The following STEAP3 variants were observed in gnomAD, a reference collection of about 807,000 sequenced individuals.
STEAP3 encodes metalloreductase STEAP3.
A neutral mutation model predicts 34.9 loss-of-function variants in STEAP3; 35 were observed. The ratio of observed to expected loss-of-function variants is 1.00; its 90% CI spans 0.76 to 1.33. The LOEUF (loss-of-function observed/expected upper bound fraction) is 1.33. STEAP3 is among the 40% of genes most tolerant of loss of function. STEAP3 has a pLI of 0.00. For synonymous variants in STEAP3, 281 were observed against 301.6 expected (o/e 0.93, Z 0.71); for missense variants, 652 against 667.6 (o/e 0.98, Z 0.26).
chr2:119,245,484 T>A lies in STEAP3; in HGVS notation c.23-5T>A, dbSNP rs766095769. On this transcript the variant is annotated splice_region_variant and splice_polypyrimidine_tract_variant and intron_variant, in intron 2 of 5. Coordinates refer to ENST00000393110, the MANE Select transcript of STEAP3 (RefSeq NM_182915.3). The stretch of plus-strand genomic sequence containing the variant: ...CACTGACCAGGTTCCTGACTTCTCT[T>A]GCAGCCACCAAAATGCCAGAAGAGA... The A allele has an allele frequency of 6.4e-7, 1 of 1,572,850 alleles. No homozygotes were observed. Among genetic ancestry groups the A allele is most frequent in the East Asian group, 2.3e-5 (1 of 44,158 alleles).
chr2:119,264,620 T>C lies in STEAP3; in HGVS notation c.*1282T>C, dbSNP rs1678050003. 1 of 152,162 alleles carries C rather than the reference T, an allele frequency of 6.6e-6. No homozygotes were observed. Among genetic ancestry groups the C allele is most frequent in the Admixed American group, 6.6e-5 (1 of 15,262 alleles). 9.4% of individuals were successfully genotyped at this position (152,162 alleles called of 1,614,324 possible). On this transcript the variant is annotated 3_prime_UTR_variant, in exon 6 of 6. Transcript: ENST00000393110. ...ACTTCCCCTGTGAAGAAACAGGTGTTCTCGGCTGAGCCCCCAACCCTCTGC... is the reference window on the plus strand; with the variant it reads ...ACTTCCCCTGTGAAGAAACAGGTGTCCTCGGCTGAGCCCCCAACCCTCTGC...
intron 2 of STEAP3, among the ~76,000 whole-genome samples, chr2:119,236,270 G>T (rs1573545098): frequency 1.3e-5 from 2 of 152,284 alleles, no homozygotes; most frequent in Admixed American, 1.3e-4. Flanking sequence ...CACTTTATTT[G>T]TCTCATATAA....
chr2:119,263,413 G>C lies in STEAP3; in HGVS notation c.*75G>C. On this transcript the variant is annotated 3_prime_UTR_variant, in exon 6 of 6. Coordinates refer to ENST00000393110, the MANE Select transcript of STEAP3 (RefSeq NM_182915.3). ...GAGCCCGTTAGGTTTTCTTTTCTTG[G>C]TGGTGCAAAGTGGTATAACTGTGTG... 6.5e-7 allele frequency: 1 copy of C among 1,543,432 alleles called. No individual in the cohort carries two copies.
At position 119,245,683 on chromosome 2, in the gene STEAP3, C is replaced by A. The variant is rs138657061; in HGVS notation, c.217C>A (p.Arg73Ser). ...GGTGGTGGGGAGCCGCAACCCCAAA[C>A]GCACAGCCAGGCTGTTTCCCTCAGC... ...KVVVGSRNPK[R>S]TARLFPSAAQ... Residue 73 changes from arginine to serine, a missense_variant, in exon 3 of 6, where the codon CGC (arginine) becomes AGC (serine). Physicochemically the swap from Arg to Ser is moderately radical, Grantham distance 110 (BLOSUM62 -1). Transcript: ENST00000393110. The A allele has an allele frequency of 6.2e-7, 1 of 1,613,762 alleles. No individual in the cohort carries two copies. The highest frequency in any genetic ancestry group is 8.5e-7 in the Non-Finnish European group (1 of 1,179,692).
At chr2:119,241,903 G>T (rs772372200) in intron 2 of STEAP3, among the ~76,000 whole-genome samples, 20 of 152,238 alleles carry the variant, frequency 1.3e-4, no homozygotes, top group Non-Finnish European at 2.6e-4. Flanking sequence ...ATCATTCGAG[G>T]TTTTTCAGGG....
intron 2 of STEAP3, among the ~76,000 whole-genome samples, chr2:119,234,386 T>C (rs1448071057): frequency 2.6e-5 from 4 of 152,216 alleles, no homozygotes; most frequent in Non-Finnish European, 4.4e-5. Context: ...CACTGCCTGA[T>C]GGCCTCCAAC....
chr2:119,229,193 A>G lies in STEAP3; in HGVS notation c.-393-1427A>G, dbSNP rs535126592. Among the ~76,000 whole-genome samples the G allele has an allele frequency of 6.6e-5, 10 of 152,336 alleles. No homozygotes were observed. In the East Asian group the frequency reaches 1.9e-3, roughly 29 times the overall value. ...CTCAACAGGTGTCCACCTAGGCTGG[A>G]GTACAGTGGTGCCATCTCGGCTCAC... On this transcript the variant is annotated intron_variant, in intron 1 of 5. Coordinates refer to ENST00000393110, the MANE Select transcript of STEAP3 (RefSeq NM_182915.3).
intron 2 of STEAP3, among the ~76,000 whole-genome samples, chr2:119,236,372 G>A (rs74410056): frequency 0.064 from 9,803 of 152,248 alleles, 422 homozygotes; most frequent in Middle Eastern, 0.11. Context: ...TGGCCGGGCC[G>A]CCAGCTAGCA....
intron 5 of STEAP3, among the ~76,000 whole-genome samples, chr2:119,261,757 A>G (rs2104852511): frequency 6.6e-6 from 1 of 152,316 alleles, no homozygotes; most frequent in East Asian, 1.9e-4. Flanking sequence ...ACATGCCAAG[A>G]GGCTGGAGTC....
chr2:119,231,871 G>C (rs1676949939), intron 2 of STEAP3, among the ~76,000 whole-genome samples: 1 of 152,286 alleles, frequency 6.6e-6, no homozygotes, highest in Middle Eastern at 3.4e-3. Flanking sequence ...GTGGCTATAA[G>C]TGAGCTTTTA....
At position 119,238,991 on chromosome 2, in the gene STEAP3, C is replaced by T. The variant is rs376289313; in HGVS notation, c.23-6498C>T. On this transcript the variant is annotated intron_variant, in intron 2 of 5. Transcript: ENST00000393110. ...GGAAGTGGGGGCGGGGGGTGGACAA[C>T]GAGCACATGAGAAAAAGACCACAGG... Among the ~76,000 whole-genome samples, 3 of 152,166 alleles carry T rather than the reference C, an allele frequency of 2.0e-5. No homozygotes were observed. In the East Asian group the frequency reaches 5.8e-4, roughly 29 times the overall value.
chr2:119,236,046 G>A lies in STEAP3; in HGVS notation c.22+5012G>A, dbSNP rs370342850. 2.6e-4 allele frequency among the ~76,000 whole-genome samples: 40 copies of A among 152,246 alleles called. No individual in the cohort carries two copies. The East Asian group carries it at 3.5e-3, about 13-fold the overall frequency. ...CAAATAGTAGCAGGTCTTTTCCTCC[G>A]ATTGTCTTGGGGAGAAATGGGCATG... On this transcript the variant is annotated intron_variant, in intron 2 of 5. Transcript: ENST00000393110.
intron 5 of STEAP3, chr2:119,257,719 C>T (rs1022662529): frequency 5.0e-5 from 70 of 1,389,128 alleles, no homozygotes; most frequent in Non-Finnish European, 5.8e-5. Flanking sequence ...TTAAAGTTAG[C>T]GTGGCTAGTG....
rs75589170 is a variant in STEAP3, at chr2:119,229,564, C to T, written c.-393-1056C>T. Among the ~76,000 whole-genome samples, 598 of 152,350 alleles carry T rather than the reference C, an allele frequency of 3.9e-3. 2 individuals are homozygous for T. Among genetic ancestry groups the T allele is most frequent in the African/African-American group, 0.014 (572 of 41,584 alleles). ...CAGAGAGGGAAAGCAACCTACCCAACGTCACACAGCTAGCACATGGCTGGA... is the reference window on the plus strand; with the variant it reads ...CAGAGAGGGAAAGCAACCTACCCAATGTCACACAGCTAGCACATGGCTGGA... On this transcript the variant is annotated intron_variant, in intron 1 of 5. Coordinates refer to ENST00000393110, the MANE Select transcript of STEAP3 (RefSeq NM_182915.3).
At chr2:119,224,932 T>G (rs762208618) in intron 1 of STEAP3, among the ~76,000 whole-genome samples, 3 of 152,210 alleles carry the variant, frequency 2.0e-5, no homozygotes, top group Non-Finnish European at 2.9e-5. Flanking sequence ...TTTGCAAGGA[T>G]ACACAGCTAG....
intron 2 of STEAP3, among the ~76,000 whole-genome samples, chr2:119,231,408 G>A (rs1365830736): frequency 6.8e-6 from 1 of 147,384 alleles, no homozygotes; most frequent in African/African-American, 2.5e-5. Context: ...TGTTTATGAT[G>A]CATTTCTGTG....
Position 119,254,817 on chromosome 2 carries a change from C to T in STEAP3, c.1184C>T (p.Ser395Leu), listed in dbSNP as rs962584156. 6.2e-7 allele frequency: 1 copy of T among 1,614,168 alleles called. No individual in the cohort carries two copies. Among genetic ancestry groups the T allele is most frequent in the Non-Finnish European group, 8.5e-7 (1 of 1,180,016 alleles). The change falls in exon 5 of 6, where the codon TCG (serine) becomes TTG (leucine). Residue 395 changes from serine to leucine, a missense_variant. Ser to Leu is a moderately radical substitution (Grantham distance 145). Coordinates refer to ENST00000393110, the MANE Select transcript of STEAP3 (RefSeq NM_182915.3). ...ACCTCACTGCCGTCCATTGCAAACT[C>T]GCTCAACTGGAGGGAGTTCAGCTTC... The part of the protein sequence containing the change: ...AVTSLPSIAN[S>L]LNWREFSFVQ...
At position 119,263,139 on chromosome 2, in the gene STEAP3, G is replaced by A. The variant is rs144758696; in HGVS notation, c.1298G>A (p.Arg433His). 5.3e-5 allele frequency: 86 copies of A among 1,613,802 alleles called. No individual in the cohort carries two copies. Among genetic ancestry groups the A allele is most frequent in the Middle Eastern group, 3.3e-4 (2 of 6,054 alleles). Reference protein sequence around the residue: ...YGWTRAFEESRYKFYLPPTFT... With the variant: ...YGWTRAFEESHYKFYLPPTFT... ...TGGACCCGCGCCTTCGAGGAGAGCCGCTACAAGTTCTACCTGCCTCCCACC... is the reference window on the plus strand; with the variant it reads ...TGGACCCGCGCCTTCGAGGAGAGCCACTACAAGTTCTACCTGCCTCCCACC... The change falls in exon 6 of 6, where the codon CGC (arginine) becomes CAC (histidine). Residue 433 changes from arginine to histidine, a missense_variant. Coordinates refer to ENST00000393110, the MANE Select transcript of STEAP3 (RefSeq NM_182915.3).
At chr2:119,260,982 C>T (rs1427183174) in intron 5 of STEAP3, among the ~76,000 whole-genome samples, 1 of 152,140 alleles carries the variant, frequency 6.6e-6, no homozygotes, top group African/African-American at 2.4e-5. Flanking sequence ...TACTTGGGCC[C>T]AAGAATGTTG....
Sources: gnomAD v4.1 joint callset for allele counts (sites outside exome capture counted in the v4.1 genomes callset) on GRCh38, gnomAD v4.1.1 for gene constraint, MANE v1.5 for transcripts, NCBI Gene and HGNC (gene_info 2026-07-23, HGNC 2026-07-21) for gene names.